CROCC: variants seen among roughly 807,000 people sequenced by gnomAD.
The protein encoded by CROCC is rootletin.
Under a neutral mutation model 245.2 loss-of-function variants are expected in CROCC, and 180 were observed. The ratio of observed to expected loss-of-function variants is 0.73; its 90% CI spans 0.65 to 0.83. The LOEUF (loss-of-function observed/expected upper bound fraction) is 0.83, where lower values mean the gene tolerates loss of function less well. Among genes scored for constraint, CROCC ranks in the 40% least tolerant of loss-of-function variants. CROCC has a pLI of 0.00. For synonymous variants in CROCC, 1,205 were observed against 1,241.6 expected (o/e 0.97, Z 0.62); for missense variants, 2,688 against 2,779.4 (o/e 0.97, Z 0.74).
At position 16,931,306 on chromosome 1, in the gene CROCC, T is replaced by C. The variant is rs2075671283; in HGVS notation, c.865T>C (p.Phe289Leu). The change falls in exon 8 of 37, where the codon TTC becomes CTC. Residue 289 changes from phenylalanine to leucine, a missense_variant. This residue lies in a region of CROCC where 972 missense variants were observed against 895.3 expected (regional missense o/e 1.09). Transcript: ENST00000375541. Reference protein sequence around the residue: ...RREEESFNAYFSNEHSRLLLL... With the variant: ...RREEESFNAYLSNEHSRLLLL... ...TTCCCTCCAGTCCTTCAACGCCTACTTCAGCAACGAGCACAGTCGCCTGCT... is the reference window on the plus strand; with the variant it reads ...TTCCCTCCAGTCCTTCAACGCCTACCTCAGCAACGAGCACAGTCGCCTGCT... The C allele has an allele frequency of 1.2e-6, 2 of 1,611,528 alleles. No homozygotes were observed. The highest frequency in any genetic ancestry group is 8.5e-7 in the Non-Finnish European group (1 of 1,178,254).
rs1434823469 is a variant in CROCC, at chr1:16,930,603, G to A, written c.849+9G>A. ...GGAGGCGCGAGGAGGAGGTGGGCAT[G>A]GGGGTGCAGGGAGGCCAGCCTGACC... On this transcript the variant is annotated intron_variant, in intron 7 of 36. Transcript: ENST00000375541. The A allele has an allele frequency of 6.2e-7, 1 of 1,603,008 alleles. No individual in the cohort carries two copies. Among genetic ancestry groups the A allele is most frequent in the Non-Finnish European group, 8.5e-7 (1 of 1,175,404 alleles).
rs2100496856 is a variant in CROCC at position 16,953,402 on chromosome 1, A to T, written c.3107A>T (p.Glu1036Val). Residue 1036 changes from glutamate to valine, a missense_variant, in exon 21 of 37, where the codon GAA (glutamate) becomes GTA (valine). Around this residue, in one of 9 missense-constraint regions of CROCC, gnomAD observed 106 missense variants for 126.1 expected, o/e 0.84. Coordinates refer to ENST00000375541, the MANE Select transcript of CROCC (RefSeq NM_014675.5). The part of the protein sequence containing the change: ...ELLARLEAEK[E>V]ELSEEIAALQ... ...CTGGCCCGGCTGGAGGCTGAGAAGG[A>T]AGAGCTGAGTGAGGAGATTGCTGCC... 6.2e-7 allele frequency: 1 copy of T among 1,610,904 alleles called. No homozygotes were observed. The highest frequency in any genetic ancestry group is 1.7e-5 in the Admixed American group (1 of 60,000).
In CROCC at chr1:16,954,890, C is replaced by A; in HGVS notation, c.3465+13C>A. Reference sequence around the variant, plus strand: ...CTGTCTTCGCGAGGTGAGCAGCCGCCCCCCTCTTCCAAGCAGCATACCCTA... The same window carrying A: ...CTGTCTTCGCGAGGTGAGCAGCCGCACCCCTCTTCCAAGCAGCATACCCTA... On this transcript the variant is annotated intron_variant, in intron 23 of 36. Transcript: ENST00000375541. This position sits in a 1 kb window ranked among gnomAD's most constrained non-coding sequence, Gnocchi z 4.4. 1 of 1,515,624 alleles carries A rather than the reference C, an allele frequency of 6.6e-7. No individual in the cohort carries two copies. Among genetic ancestry groups the A allele is most frequent in the Non-Finnish European group, 8.9e-7 (1 of 1,122,560 alleles). The allele number at this position is 1,515,624 out of a possible 1,614,324, so 93.9% of individuals were successfully genotyped here.
intron 31 of CROCC, chr1:16,968,909 T>C: frequency 1.5e-6 from 1 of 656,134 alleles, no homozygotes; most frequent in Non-Finnish European, 2.7e-6. Context: ...CTCTGGGCAC[T>C]AGTAGTTAGC....
In CROCC at chr1:16,946,643, T is replaced by C. The variant is rs573217414; in HGVS notation, c.2284-118T>C. ...GTGTCCCATACACCCAAGGGCACTG[T>C]CCCTCATTCCCTGGGAGCCTCCCCT... On this transcript the variant is annotated intron_variant, in intron 16 of 36. Transcript: ENST00000375541. 6 of 1,191,086 alleles carry C rather than the reference T, an allele frequency of 5.0e-6. No homozygotes were observed. In the Admixed American group the frequency reaches 1.2e-4, roughly 23 times the overall value. 73.8% of individuals were successfully genotyped at this position (1,191,086 alleles called of 1,614,324 possible).
chr1:16,947,691 G>T (rs1212591571), intron 17 of CROCC, among the ~76,000 whole-genome samples: 12 of 152,328 alleles, frequency 7.9e-5, no homozygotes, highest in Non-Finnish European at 1.5e-4. Flanking sequence ...CAGGGTGCAG[G>T]TCTCCACCTT....
chr1:16,939,860 G>GC (rs371835878), intron 12 of CROCC, 34 bp from the exon 13 acceptor site: 27,045 of 1,600,440 alleles, frequency 0.017, 161 homozygotes, highest in Non-Finnish European at 0.02. Context: ...GGCCTCTCAG[G>GC]CCCCCCCAGA....
At chr1:16,922,901 C>G in intron 2 of CROCC, 103 bp downstream of exon 2, 1 of 1,453,426 alleles carries the variant, frequency 6.9e-7, no homozygotes, top group Non-Finnish European at 9.2e-7. Flanking sequence ...CTGTAACTCA[C>G]TGTGGGGCAG....
chr1:16,924,786 C>G (rs531333017), intron 3 of CROCC, among the ~76,000 whole-genome samples: 20 of 152,376 alleles, frequency 1.3e-4, no homozygotes, highest in African/African-American at 4.8e-4. Flanking sequence ...GTGTGGGACA[C>G]GGAGAATGAG....
At position 16,952,357 on chromosome 1, in the gene CROCC, C is replaced by T. The variant is rs1353294533; in HGVS notation, c.3007-945C>T. On this transcript the variant is annotated intron_variant, in intron 20 of 36. Coordinates refer to ENST00000375541, the MANE Select transcript of CROCC (RefSeq NM_014675.5). ...AAAATTAGCTGGGCGTGGTGGCACG[C>T]GCCTGTAGTCCCAGATACTTGGGAG... 3.3e-5 allele frequency among the ~76,000 whole-genome samples: 5 copies of T among 151,948 alleles called. No homozygotes were observed. The South Asian group carries it at 6.2e-4, about 19-fold the overall frequency.
intron 15 of CROCC, among the ~76,000 whole-genome samples, chr1:16,945,821 C>T (rs1198357920): frequency 1.3e-5 from 2 of 152,412 alleles, no homozygotes; most frequent in East Asian, 3.8e-4. Context: ...CTCTTTATGG[C>T]CGTATCCCTG....
rs748316725 is a variant in CROCC, at chr1:16,966,227, C to T, written c.4696+108C>T. ...TTGCCGTGGCCCCCATGACCTGACT[C>T]GGGGCTGTCTCCAAGAGGACCCTCC... On this transcript the variant is annotated intron_variant, in intron 29 of 36. Transcript: ENST00000375541. This position sits in a 1 kb window ranked among gnomAD's most constrained non-coding sequence, Gnocchi z 4.8. 2.2e-5 allele frequency: 33 copies of T among 1,486,854 alleles called. No individual in the cohort carries two copies. Among genetic ancestry groups the T allele is most frequent in the Admixed American group, 4.4e-5 (2 of 45,168 alleles). The allele number at this position is 1,486,854 out of a possible 1,614,324, so 92.1% of individuals were successfully genotyped here. A position where few individuals can be genotyped will look rare whatever the true frequency, so the allele number is the denominator to read the frequency against.
At chr1:16,971,013 A>T (rs558753987) in intron 35 of CROCC, 18 of 464,726 alleles carry the variant, frequency 3.9e-5, no homozygotes, top group Admixed American at 1.9e-4. Flanking sequence ...CAGCAGTGTG[A>T]GAATCCATGT....
intron 13 of CROCC, 146 bp from the exon 14 acceptor site, chr1:16,943,954 G>T: frequency 3.8e-6 from 3 of 790,794 alleles, no homozygotes; most frequent in South Asian, 4.0e-5. Context: ...AGTCAGCCAT[G>T]GACAGGGTGG....
At chr1:16,926,437 C>T (rs1157546992) in intron 3 of CROCC, among the ~76,000 whole-genome samples, 1 of 152,272 alleles carries the variant, frequency 6.6e-6, no homozygotes, top group Non-Finnish European at 1.5e-5. Flanking sequence ...TCCCCATGGC[C>T]ACAGGTGGCA....
chr1:16,935,158 G>T (rs1170797868), intron 8 of CROCC, among the ~76,000 whole-genome samples: 1 of 152,020 alleles, frequency 6.6e-6, no homozygotes, highest in Non-Finnish European at 1.5e-5. Context: ...CCTCAGCTTC[G>T]CAAAGTGCTG....
chr1:16,970,593 A>C, intron 34 of CROCC, 43 bp from the exon 35 acceptor site: 1 of 1,498,202 alleles, frequency 6.7e-7, no homozygotes, highest in Non-Finnish European at 8.9e-7. Flanking sequence ...CCCCTCAGTA[A>C]GCTCCTCCTG....
At chr1:16,924,733 C>T (rs1481381901) in intron 3 of CROCC, among the ~76,000 whole-genome samples, 1 of 152,290 alleles carries the variant, frequency 6.6e-6, no homozygotes, top group Non-Finnish European at 1.5e-5. Flanking sequence ...AAGTGCCTGG[C>T]ACCAGGGGTA....
At chr1:16,923,979 A>C (rs1395731595) in intron 2 of CROCC, among the ~76,000 whole-genome samples, 2 of 152,152 alleles carry the variant, frequency 1.3e-5, no homozygotes, top group Admixed American at 6.6e-5. Context: ...TGCCCGCCCC[A>C]CCCATATTAC....
Sources: gnomAD v4.1 joint callset for allele counts (sites outside exome capture counted in the v4.1 genomes callset) on GRCh38, gnomAD v4.1.1 for gene constraint, gnomAD v4.1.1 regional missense constraint, Gnocchi (gnomAD v3.1) non-coding constraint, MANE v1.5 for transcripts, NCBI Gene and HGNC (gene_info 2026-07-23, HGNC 2026-07-21) for gene names.